Variants in COL24A1 observed in about 807,000 individuals in gnomAD.
COL24A1 encodes collagen alpha-1(XXIV) chain.
COL24A1 carries 224 observed loss-of-function variants against 253.9 expected under a neutral mutation model. That is an observed-to-expected ratio of 0.88 (90% CI 0.79 to 0.99). The LOEUF (loss-of-function observed/expected upper bound fraction) is 0.99, where lower values mean the gene tolerates loss of function less well. Ranked by LOEUF, COL24A1 falls within the 50% of genes least tolerant of loss-of-function variation. The pLI is 0.00. For missense variants in COL24A1, 2,131 were observed against 2,068.5 expected, an observed-to-expected ratio of 1.03 and a Z score of -0.59; for synonymous variants, 685 against 673.7, an observed-to-expected ratio of 1.02 and a Z score of -0.26.
intron 24 of COL24A1, among the ~76,000 whole-genome samples, chr1:85,919,056 G>A (rs923716146): frequency 4.0e-5 from 6 of 151,884 alleles, no homozygotes; most frequent in Middle Eastern, 3.2e-3. Context: ...TTTTAAGTCA[G>A]TTTCTTTTTT....
chr1:86,068,968 A>G (rs1701679150), intron 7 of COL24A1, among the ~76,000 whole-genome samples: 1 of 152,006 alleles, frequency 6.6e-6, no homozygotes, highest in Admixed American at 6.6e-5. Flanking sequence ...AATAACCACC[A>G]ATGATACCCA....
chr1:85,860,627 G>A (rs1308641037), intron 37 of COL24A1, among the ~76,000 whole-genome samples: 2 of 152,194 alleles, frequency 1.3e-5, no homozygotes, highest in Non-Finnish European at 2.9e-5. Context: ...TGTAGTTCCA[G>A]CTACTCGGGA....
chr1:85,798,460 G>C (rs1671058831), intron 47 of COL24A1, among the ~76,000 whole-genome samples: 1 of 152,038 alleles, frequency 6.6e-6, no homozygotes, highest in African/African-American at 2.4e-5. Context: ...TGAGATGACA[G>C]GATTTGCTAA....
chr1:85,945,008 T>G (rs1450192110), intron 24 of COL24A1, among the ~76,000 whole-genome samples: 5 of 67,498 alleles, frequency 7.4e-5, no homozygotes, highest in African/African-American at 6.1e-5. Context: ...TTGTGTTTTT[T>G]TTTTTTTTTT....
chr1:86,029,440 T>C (rs765580128), intron 14 of COL24A1, among the ~76,000 whole-genome samples: 1 of 152,166 alleles, frequency 6.6e-6, no homozygotes, highest in Non-Finnish European at 1.5e-5. Flanking sequence ...CTACTACAAA[T>C]CTTACCATTA....
chr1:86,127,683 TAA>T (rs10591467), intron 2 of COL24A1, among the ~76,000 whole-genome samples: 94,385 of 151,682 alleles, frequency 0.62, 29,537 homozygotes, highest in Middle Eastern at 0.67. Flanking sequence ...GTGAAAAAAA[TAA>T]AAGTCTTTGA....
intron 5 of COL24A1, among the ~76,000 whole-genome samples, chr1:86,107,141 T>G (rs1705058851): frequency 6.6e-6 from 1 of 152,190 alleles, no homozygotes; most frequent in South Asian, 2.1e-4. Flanking sequence ...AAAGAATTCC[T>G]CATTGTGTTG....
chr1:85,829,988 G>A (rs1298997046), intron 43 of COL24A1, among the ~76,000 whole-genome samples: 2 of 152,100 alleles, frequency 1.3e-5, no homozygotes, highest in African/African-American at 2.4e-5. Flanking sequence ...CTTTGGAGGA[G>A]GAGAGGCGCT....
intron 53 of COL24A1, among the ~76,000 whole-genome samples, chr1:85,762,360 T>A (rs920066733): frequency 6.6e-6 from 1 of 152,192 alleles, no homozygotes; most frequent in Admixed American, 6.5e-5. Flanking sequence ...TATACTGTGA[T>A]AGCTAGAACA....
intron 39 of COL24A1, among the ~76,000 whole-genome samples, chr1:85,843,560 CA>C (rs1676850959): frequency 6.6e-6 from 1 of 151,884 alleles, no homozygotes; most frequent in African/African-American, 2.4e-5. Flanking sequence ...ATCAGTGGAC[CA>C]AAATTTTGTA....
At chr1:86,110,946 G>C (rs996168013) in intron 5 of COL24A1, among the ~76,000 whole-genome samples, 2 of 152,198 alleles carry the variant, frequency 1.3e-5, no homozygotes. Context: ...AGTGGAGTGG[G>C]ACTGGCGGGC....
intron 10 of COL24A1, among the ~76,000 whole-genome samples, chr1:86,051,627 A>T (rs1171070333): frequency 6.6e-6 from 1 of 152,046 alleles, no homozygotes; most frequent in Non-Finnish European, 1.5e-5. Flanking sequence ...GTTATGATGG[A>T]AAGTCTGCAA....
intron 59 of COL24A1, 114 bp from the exon 60 acceptor site, chr1:85,730,806 G>C (rs1046772831): frequency 2.3e-5 from 25 of 1,077,084 alleles, no homozygotes; most frequent in Non-Finnish European, 3.4e-5. Flanking sequence ...ATAACGAATA[G>C]AAAGTGCCTA....
intron 7 of COL24A1, among the ~76,000 whole-genome samples, chr1:86,064,765 A>G (rs1701346802): frequency 6.6e-6 from 1 of 152,206 alleles, no homozygotes; most frequent in East Asian, 1.9e-4. Context: ...ATGAATTCGG[A>G]TTAATGGATT....
intron 19 of COL24A1, among the ~76,000 whole-genome samples, chr1:86,010,594 T>C (rs1478051360): frequency 6.6e-6 from 1 of 152,106 alleles, no homozygotes; most frequent in Non-Finnish European, 1.5e-5. Flanking sequence ...TTCTAGCAAT[T>C]CACCATGAAG....
At chr1:85,785,708 G>A (rs1021498861) in intron 48 of COL24A1, among the ~76,000 whole-genome samples, 5 of 152,224 alleles carry the variant, frequency 3.3e-5, no homozygotes, top group Admixed American at 1.3e-4. Flanking sequence ...TTCTTTAGAA[G>A]TGGAACTGGG....
At chr1:85,830,774 C>G (rs1000552445) in intron 43 of COL24A1, among the ~76,000 whole-genome samples, 1 of 152,152 alleles carries the variant, frequency 6.6e-6, no homozygotes, top group Non-Finnish European at 1.5e-5. Context: ...CCTTGCCCTG[C>G]TTCGGCTCGC....
intron 5 of COL24A1, among the ~76,000 whole-genome samples, chr1:86,111,046 G>C (rs1705532204): frequency 6.6e-6 from 1 of 152,244 alleles, no homozygotes. Context: ...TTTATGTCTA[G>C]CTGAAGGATT....
At chr1:86,104,447 C>A (rs1704749101) in intron 5 of COL24A1, among the ~76,000 whole-genome samples, 1 of 152,196 alleles carries the variant, frequency 6.6e-6, no homozygotes, top group Non-Finnish European at 1.5e-5. Flanking sequence ...GGAAAGAAGG[C>A]ACTCTGACTT....
Sources: allele counts gnomAD v4.1 joint callset (sites outside exome capture counted in the v4.1 genomes callset), GRCh38; gene constraint gnomAD v4.1.1; transcripts MANE v1.5; gene names NCBI Gene and HGNC (gene_info 2026-07-23, HGNC 2026-07-21).